Variants in TSNARE1 observed in about 807,000 individuals in gnomAD.
TSNARE1 encodes the protein t-SNARE domain-containing protein 1.
TSNARE1 carries 49 observed loss-of-function variants against 62.0 expected under a neutral mutation model. The observed-to-expected ratio is 0.79, with a 90% CI of 0.63 to 1.00. The LOEUF is 1.00. Ranked by LOEUF, TSNARE1 falls within the 50% of genes least tolerant of loss-of-function variation. The pLI, the probability that TSNARE1 is intolerant of heterozygous loss-of-function variation, is 0.00. For missense variants in TSNARE1, 755 were observed against 700.1 expected (o/e 1.08, Z -0.88); for synonymous variants, 328 against 294.4 (o/e 1.11, Z -1.17).
intron 1 of TSNARE1, among the ~76,000 whole-genome samples, chr8:142,383,048 G>A (rs1046819745): frequency 6.6e-6 from 1 of 152,136 alleles, no homozygotes; most frequent in Non-Finnish European, 1.5e-5. Flanking sequence ...CTGGAGAAGG[G>A]CACAGGGACC....
intron 10 of TSNARE1, among the ~76,000 whole-genome samples, chr8:142,292,974 T>TG (rs1297357035): frequency 1.3e-5 from 2 of 151,882 alleles, no homozygotes; most frequent in Non-Finnish European, 2.9e-5. Flanking sequence ...ACATAGAAAG[T>TG]GGGGGGGCCA....
At chr8:142,223,572 TAACTCATC>T (rs796355984) in intron 13 of TSNARE1, among the ~76,000 whole-genome samples, 969 of 5,440 alleles carry the variant, frequency 0.18, 219 homozygotes, top group Middle Eastern at 0.29. Context: ...ACTCATTCAC[TAACTCATC>T]CACTCACTCA....
At chr8:142,269,378 T>C (rs1206316350) in intron 12 of TSNARE1, 2 of 960,798 alleles carry the variant, frequency 2.1e-6, no homozygotes, top group African/African-American at 3.5e-5. Context: ...GGGTGAAGGT[T>C]GGGGCTCAGC....
At chr8:142,396,141 C>A (rs1837879514) in intron 1 of TSNARE1, among the ~76,000 whole-genome samples, 1 of 152,092 alleles carries the variant, frequency 6.6e-6, no homozygotes, top group South Asian at 2.1e-4. Context: ...AACTCCTTCA[C>A]CATCACCCCT....
intron 12 of TSNARE1, among the ~76,000 whole-genome samples, chr8:142,250,284 G>A (rs1178257647): frequency 6.6e-6 from 1 of 152,198 alleles, no homozygotes; most frequent in East Asian, 1.9e-4. Flanking sequence ...ACATGGGGGA[G>A]CTCTTCACCA....
At chr8:142,236,889 G>A (rs1258882689) in intron 12 of TSNARE1, among the ~76,000 whole-genome samples, 3 of 152,236 alleles carry the variant, frequency 2.0e-5, no homozygotes, top group African/African-American at 7.2e-5. Flanking sequence ...AGCAGGCGCA[G>A]AGGAAATGCA....
intron 1 of TSNARE1, among the ~76,000 whole-genome samples, chr8:142,393,016 C>T (rs907302577): frequency 6.6e-6 from 1 of 151,512 alleles, no homozygotes; most frequent in Non-Finnish European, 1.5e-5. Context: ...CTGGGCCGGC[C>T]AGGGATAGGG....
At chr8:142,269,912 G>A (rs1036830514) in intron 12 of TSNARE1, 3 of 985,326 alleles carry the variant, frequency 3.0e-6, no homozygotes, top group Non-Finnish European at 3.6e-6. Context: ...TGGCTCCAGG[G>A]GAAAACGCAA....
chr8:142,375,768 G>T (rs1836282215), intron 1 of TSNARE1, among the ~76,000 whole-genome samples: 1 of 152,224 alleles, frequency 6.6e-6, no homozygotes, highest in Non-Finnish European at 1.5e-5. Context: ...TGGCAACTGA[G>T]GCCCAGAAGA....
chr8:142,362,573 C>T (rs1835245522), intron 1 of TSNARE1, among the ~76,000 whole-genome samples: 1 of 152,142 alleles, frequency 6.6e-6, no homozygotes, highest in Non-Finnish European at 1.5e-5. Context: ...GAAGAGCATA[C>T]AAGCACACTA....
At chr8:142,273,483 G>A in intron 12 of TSNARE1, 2 of 985,450 alleles carry the variant, frequency 2.0e-6, no homozygotes, top group Non-Finnish European at 2.4e-6. Flanking sequence ...ACAGCCCAGA[G>A]CTGGCGCCAG....
rs1832978898 is a variant in TSNARE1 at position 142,343,841 on chromosome 8, GGAGGAA to G, written c.745+119_745+124del. The G allele has an allele frequency of 3.9e-6, 3 of 778,364 alleles. No individual in the cohort carries two copies. The East Asian group carries it at 1.0e-4, about 26-fold the overall frequency. The allele number at this position is 778,364 out of a possible 1,614,324, so 48.2% of individuals were successfully genotyped here. On this transcript the variant is annotated intron_variant, in intron 4 of 13. Transcript: ENST00000524325. ...GAGAGGAGGAGGGGAGAGGGGAAGG[GGAGGAA>G]GAGGAGGAGGAGGAAAGTCACTGTG...
At chr8:142,265,889 ATTG>A (rs1353325613) in intron 12 of TSNARE1, among the ~76,000 whole-genome samples, 2 of 152,216 alleles carry the variant, frequency 1.3e-5, no homozygotes, top group Non-Finnish European at 2.9e-5. Context: ...GTCGGATCAA[ATTG>A]TTGTGCACTT....
intron 13 of TSNARE1, among the ~76,000 whole-genome samples, chr8:142,227,106 C>T (rs1816843023): frequency 1.4e-5 from 2 of 145,966 alleles, no homozygotes; most frequent in African/African-American, 5.2e-5. Context: ...ACTGCACCCA[C>T]ACAATAGTGA....
At chr8:142,301,965 C>T (rs964488203) in intron 9 of TSNARE1, among the ~76,000 whole-genome samples, 6 of 152,214 alleles carry the variant, frequency 3.9e-5, no homozygotes, top group Admixed American at 2.0e-4. Flanking sequence ...AAGGCGACAG[C>T]GGTGGGGATG....
rs139446925 is a variant in TSNARE1 at position 142,334,507 on chromosome 8, G to A, written c.746-2676C>T. 3.3e-4 allele frequency among the ~76,000 whole-genome samples: 50 copies of A among 151,816 alleles called. 3 individuals are homozygous for A. The highest frequency in any genetic ancestry group is 1.1e-3 in the African/African-American group (46 of 41,340). On this transcript the variant is annotated intron_variant, in intron 4 of 13. Transcript: ENST00000524325. ...AGGGTGGGGGGGCAGCAGGGGGGAC[G>A]GGACACAAAACAAACAAAAAGAATT...
At chr8:142,300,667 G>C (rs1825578766) in intron 9 of TSNARE1, 23 bp from the exon 10 acceptor site, 1 of 1,601,782 alleles carries the variant, frequency 6.2e-7, no homozygotes, top group Non-Finnish European at 8.5e-7. Context: ...GACAGATCTT[G>C]TTAGCACTGA....
intron 2 of TSNARE1, among the ~76,000 whole-genome samples, chr8:142,353,223 G>A (rs543873318): frequency 4.6e-5 from 7 of 152,200 alleles, no homozygotes; most frequent in African/African-American, 1.7e-4. Context: ...TCCCTGCTGG[G>A]TCATTTCCTT....
intron 9 of TSNARE1, among the ~76,000 whole-genome samples, chr8:142,310,246 TACTC>T (rs1487329827): frequency 1.3e-5 from 2 of 152,360 alleles, no homozygotes; most frequent in African/African-American, 2.4e-5. Flanking sequence ...ACATAACACT[TACTC>T]AGTCTGCCCT....
Sources: allele counts gnomAD v4.1 joint callset (sites outside exome capture counted in the v4.1 genomes callset), GRCh38; gene constraint gnomAD v4.1.1; transcripts MANE v1.5; gene names NCBI Gene and HGNC (gene_info 2026-07-23, HGNC 2026-07-21).